MAPK9: variants seen among roughly 807,000 people sequenced by gnomAD.
The protein encoded by MAPK9 is Jun kinase.
Under a neutral mutation model 57.1 loss-of-function variants are expected in MAPK9, and 30 were observed. The ratio of observed to expected loss-of-function variants is 0.53; its 90% CI spans 0.39 to 0.71. The LOEUF (loss-of-function observed/expected upper bound fraction) is 0.71. Among genes scored for constraint, MAPK9 ranks in the 30% least tolerant of loss-of-function variants. MAPK9 has a pLI of 0.00. For synonymous variants in MAPK9, 155 were observed against 177.0 expected (o/e 0.88, Z 0.99); for missense variants, 362 against 521.0 (o/e 0.69, Z 2.97).
chr5:180,253,350 A>G (rs1171953420), intron 5 of MAPK9, among the ~76,000 whole-genome samples: 2 of 152,216 alleles, frequency 1.3e-5, no homozygotes, highest in Non-Finnish European at 2.9e-5. Flanking sequence ...GCCGCCCACG[A>G]AAAGCCCCAC....
intron 6 of MAPK9, among the ~76,000 whole-genome samples, chr5:180,248,489 A>G (rs1758342320): frequency 6.6e-6 from 1 of 152,276 alleles, no homozygotes; most frequent in Non-Finnish European, 1.5e-5. Context: ...AGAATAAGCT[A>G]AGTTTTGATG....
At chr5:180,278,970 T>C (rs73343408) in intron 2 of MAPK9, among the ~76,000 whole-genome samples, 15,944 of 151,126 alleles carry the variant, frequency 0.11, 2,269 homozygotes, top group African/African-American at 0.32. Context: ...TTTTTTTTTT[T>C]TTTTTGAGAC....
chr5:180,247,660 G>T lies in MAPK9; in HGVS notation c.617-150C>A. On this transcript the variant is annotated intron_variant, in intron 6 of 11. Transcript: ENST00000452135. The surrounding 1 kb of genome is among the most constrained non-coding windows in gnomAD (Gnocchi z 4.5). ...ATTTTACACAATATGAATGATTGCT[G>T]ACCTCTATTTTAGCCTTCGGTTTGT... The T allele has an allele frequency of 1.1e-6, 1 of 934,350 alleles. No individual in the cohort carries two copies. Among genetic ancestry groups the T allele is most frequent in the Non-Finnish European group, 1.7e-6 (1 of 589,698 alleles). 57.9% of individuals were successfully genotyped at this position (934,350 alleles called of 1,614,324 possible).
At chr5:180,262,496 C>T (rs890287659) in intron 4 of MAPK9, among the ~76,000 whole-genome samples, 2 of 151,700 alleles carry the variant, frequency 1.3e-5, no homozygotes, top group African/African-American at 4.8e-5. Flanking sequence ...GGCGTGATCT[C>T]GCCTCACTGC....
chr5:180,238,269 CAAAA>C, intron 11 of MAPK9, 59 bp downstream of exon 11: 1 of 1,077,670 alleles, frequency 9.3e-7, no homozygotes, highest in Non-Finnish European at 1.3e-6. Flanking sequence ...AACTCTGTCT[CAAAA>C]AAAAAAAGTT....
rs1267517084 is a variant in MAPK9, at chr5:180,249,023, C to T, written c.566G>A (p.Arg189Gln). The T allele has an allele frequency of 1.2e-6, 2 of 1,613,698 alleles. No individual in the cohort carries two copies. Among genetic ancestry groups the T allele is most frequent in the African/African-American group, 1.3e-5 (1 of 74,916 alleles). ...GATGACTTCGGGCGCCCGGTAGTAC[C>T]GTGTCACCACGTAAGGGGTCATCAT... ...NFMMTPYVVTRYYRAPEVILG... is the reference protein window; with the variant it reads ...NFMMTPYVVTQYYRAPEVILG... The change falls in exon 6 of 12, where the codon CGG becomes CAG. Residue 189 changes from arginine (R) to glutamine (Q), a missense_variant. By Grantham distance (43) the Arg-to-Gln change is conservative (BLOSUM62 1). Around this residue, in one of 3 missense-constraint regions of MAPK9, gnomAD observed 127 missense variants for 231.7 expected, o/e 0.55. Coordinates refer to ENST00000452135, the MANE Select transcript of MAPK9 (RefSeq NM_002752.5).
intron 7 of MAPK9, among the ~76,000 whole-genome samples, chr5:180,244,048 C>G (rs1465543383): frequency 6.6e-6 from 1 of 152,124 alleles, no homozygotes; most frequent in East Asian, 1.9e-4. Context: ...GGGGTTTCGC[C>G]ATGTTGGCCA....
chr5:180,243,673 A>C (rs1220048662), intron 7 of MAPK9, among the ~76,000 whole-genome samples: 1 of 152,194 alleles, frequency 6.6e-6, no homozygotes, highest in Non-Finnish European at 1.5e-5. Context: ...GTTCTTCCAA[A>C]ATGTTATACT....
chr5:180,282,780 G>T (rs1368193619), intron 1 of MAPK9, among the ~76,000 whole-genome samples: 1 of 152,176 alleles, frequency 6.6e-6, no homozygotes, highest in Non-Finnish European at 1.5e-5. Flanking sequence ...CTGAGCACCC[G>T]CTGTGGATGG....
chr5:180,257,319 C>T (rs548726661), intron 5 of MAPK9, among the ~76,000 whole-genome samples: 1 of 152,300 alleles, frequency 6.6e-6, no homozygotes, highest in East Asian at 1.9e-4. Flanking sequence ...AAATTATTAC[C>T]ACTCCACCAT....
intron 2 of MAPK9, among the ~76,000 whole-genome samples, chr5:180,274,711 A>G (rs1761657965): frequency 1.3e-5 from 2 of 152,228 alleles, no homozygotes; most frequent in South Asian, 4.1e-4. Context: ...CAAAGAACCC[A>G]GGCAAACCCA....
intron 2 of MAPK9, among the ~76,000 whole-genome samples, chr5:180,275,281 C>T (rs1423842980): frequency 6.6e-6 from 1 of 152,146 alleles, no homozygotes; most frequent in Non-Finnish European, 1.5e-5. Flanking sequence ...TTTATTTCTA[C>T]TAGGTACCTG....
chr5:180,239,544 C>T (rs1473301307), intron 10 of MAPK9, among the ~76,000 whole-genome samples: 2 of 152,112 alleles, frequency 1.3e-5, no homozygotes, highest in Non-Finnish European at 2.9e-5. Context: ...GGTAATAATA[C>T]CTATTTGCAT....
At chr5:180,238,163 G>A (rs1239348587) in intron 11 of MAPK9, 169 bp downstream of exon 11, 7 of 475,730 alleles carry the variant, frequency 1.5e-5, no homozygotes, top group South Asian at 2.1e-5. Context: ...CCAGCTACTC[G>A]GGAGGCTGAG....
chr5:180,257,550 CTCAG>C (rs939189987), intron 5 of MAPK9: 3 of 152,240 alleles, frequency 2.0e-5, no homozygotes, highest in Non-Finnish European at 2.9e-5. Flanking sequence ...TCTAGTCTCA[CTCAG>C]TATTTTAATT....
In MAPK9 at chr5:180,241,203, CAG is replaced by C. The variant is rs749644944; in HGVS notation, c.872-50_872-49del. On this transcript the variant is annotated intron_variant, in intron 8 of 11. Coordinates refer to ENST00000452135, the MANE Select transcript of MAPK9 (RefSeq NM_002752.5). ...ATTAATGCTGTTAATATGAAACAAA[CAG>C]AATCATACAATAAAGAACTAAATAT... 1.1e-4 allele frequency: 168 copies of C among 1,532,572 alleles called. 1 individual carries two copies. The South Asian group carries it at 1.8e-3, about 17-fold the overall frequency. 94.9% of individuals were successfully genotyped at this position (1,532,572 alleles called of 1,614,324 possible). A position where few individuals can be genotyped will look rare whatever the true frequency, so the allele number is the denominator to read the frequency against.
At position 180,261,140 on chromosome 5, in the gene MAPK9, C is replaced by T. The variant is rs568028526; in HGVS notation, c.450+544G>A. On this transcript the variant is annotated intron_variant, in intron 5 of 11. Coordinates refer to ENST00000452135, the MANE Select transcript of MAPK9 (RefSeq NM_002752.5). ...CTGAGCCCACAGGCCTGCTCTGAAC[C>T]CTTGCGGTGCAGGGTCTGGCCACTC... is the stretch of plus-strand genomic sequence containing the variant. Among the ~76,000 whole-genome samples, 8 of 152,282 alleles carry T rather than the reference C, an allele frequency of 5.3e-5. No homozygotes were observed. The East Asian group carries it at 1.2e-3, about 22-fold the overall frequency.
At chr5:180,237,693 A>G (rs558106211) in intron 11 of MAPK9, 1 of 152,394 alleles carries the variant, frequency 6.6e-6, no homozygotes, top group East Asian at 1.9e-4. Flanking sequence ...AAATGCTTAT[A>G]ACAAAGTTCA....
chr5:180,255,203 G>A (rs971341169), intron 5 of MAPK9, among the ~76,000 whole-genome samples: 2 of 152,148 alleles, frequency 1.3e-5, no homozygotes, highest in African/African-American at 4.8e-5. Context: ...AAGAGTTTCA[G>A]ACATTTGAGG....
Sources: gnomAD v4.1 joint callset for allele counts (sites outside exome capture counted in the v4.1 genomes callset) on GRCh38, gnomAD v4.1.1 for gene constraint, gnomAD v4.1.1 regional missense constraint, Gnocchi (gnomAD v3.1) non-coding constraint, MANE v1.5 for transcripts, NCBI Gene and HGNC (gene_info 2026-07-23, HGNC 2026-07-21) for gene names.